PREX1: variants seen among roughly 807,000 people sequenced by gnomAD.
PREX1 encodes the protein phosphatidylinositol-3,4,5-trisphosphate dependent Rac exchange factor 1.
In PREX1, 41 loss-of-function variants were observed where a neutral mutation model predicts 198.3. The ratio of observed to expected loss-of-function variants is 0.21; its 90% CI spans 0.16 to 0.27. The LOEUF (loss-of-function observed/expected upper bound fraction) is 0.27, where lower values mean the gene tolerates loss of function less well. Among genes scored for constraint, PREX1 ranks in the 10% least tolerant of loss-of-function variants. PREX1 has a pLI of 1.00. For missense variants in PREX1, 1,620 were observed against 2,200.7 expected, an observed-to-expected ratio of 0.74 and a Z score of 5.28; for synonymous variants, 843 against 887.2, an observed-to-expected ratio of 0.95 and a Z score of 0.89.
the PREX1 span, among the ~76,000 whole-genome samples, chr20:48,863,656 T>G: frequency 6.6e-6 from 1 of 151,170 alleles, no homozygotes; most frequent in Non-Finnish European, 1.5e-5. Context: ...GGCATGATCT[T>G]GGCTCACTGC....
intron 10 of PREX1, among the ~76,000 whole-genome samples, chr20:48,687,625 C>T (rs1032432554): frequency 7.9e-5 from 12 of 152,296 alleles, no homozygotes; most frequent in Non-Finnish European, 7.4e-5. Context: ...ATAAAGTTCC[C>T]GCATTGCCGG....
intron 5 of PREX1, among the ~76,000 whole-genome samples, chr20:48,717,279 C>T (rs1329671649): frequency 6.6e-6 from 1 of 152,080 alleles, no homozygotes; most frequent in Non-Finnish European, 1.5e-5. Context: ...AGCAGAACAA[C>T]ACCAACTTTC....
Position 48,759,326 on chromosome 20 carries a change from G to A in PREX1, c.220-11446C>T, listed in dbSNP as rs138805332. Among the ~76,000 whole-genome samples, 55 of 152,154 alleles carry A rather than the reference G, an allele frequency of 3.6e-4. 2 individuals are homozygous for A. The highest frequency in any genetic ancestry group is 3.4e-3 in the Middle Eastern group (1 of 292). The stretch of plus-strand genomic sequence containing the variant: ...GCACTTTGGGAGGCTGAGATGGGTG[G>A]ATCACCTGAGGTCAGGAGTTCGCGA... On this transcript the variant is annotated intron_variant, in intron 1 of 39. Coordinates refer to ENST00000371941, the MANE Select transcript of PREX1 (RefSeq NM_020820.4).
chr20:48,730,862 G>A (rs78382345), intron 4 of PREX1, among the ~76,000 whole-genome samples: 10,789 of 152,084 alleles, frequency 0.071, 452 homozygotes, highest in Middle Eastern at 0.14. Context: ...GCTGGGCATG[G>A]TGGTGCACAC....
intron 1 of PREX1, among the ~76,000 whole-genome samples, chr20:48,773,525 A>T (rs1246764488): frequency 2.0e-5 from 3 of 152,180 alleles, no homozygotes; most frequent in Non-Finnish European, 4.4e-5. Context: ...GTACTTACTG[A>T]GAAGCAGATG....
chr20:48,666,300 T>C lies in PREX1; in HGVS notation c.1721A>G (p.Asn574Ser), dbSNP rs1218854501. 10 of 1,569,738 alleles carry C rather than the reference T, an allele frequency of 6.4e-6. No individual in the cohort carries two copies. Among genetic ancestry groups the C allele is most frequent in the South Asian group, 1.2e-5 (1 of 85,412 alleles). The part of the protein sequence containing the change: ...AVALGVGLCN[N>S]GFMHHVLEKS... ...GTGGTTACCGTGGTGCATGAAGCCA[T>C]TGTTGCACAGACCCACGCCGAGCGC... Residue 574 changes from asparagine to serine, a missense_variant, in exon 15 of 40, where the codon AAT (asparagine) becomes AGT (serine). Asn to Ser is a conservative substitution (Grantham distance 46). Transcript: ENST00000371941. The surrounding 1 kb of genome is among the most constrained non-coding windows in gnomAD (Gnocchi z 4.3).
chr20:48,694,492 C>T (rs2089835540), intron 7 of PREX1, among the ~76,000 whole-genome samples: 1 of 152,194 alleles, frequency 6.6e-6, no homozygotes, highest in African/African-American at 2.4e-5. Flanking sequence ...CAGAGACAGT[C>T]CCTAAGCAAG....
At chr20:48,811,622 ACCC>A (rs145554231) in intron 1 of PREX1, among the ~76,000 whole-genome samples, 195 of 120,464 alleles carry the variant, frequency 1.6e-3, no homozygotes, top group Middle Eastern at 4.5e-3. Flanking sequence ...CTGGATACAC[ACCC>A]CCCCACACAC....
the PREX1 span, among the ~76,000 whole-genome samples, chr20:48,846,940 G>T: frequency 4.6e-5 from 7 of 152,188 alleles, no homozygotes; most frequent in East Asian, 1.9e-4. Flanking sequence ...ACCTTTCAAG[G>T]GGAGGCAGGA....
intron 39 of PREX1, 96 bp downstream of exon 39, chr20:48,627,452 G>A (rs1232269146): frequency 1.5e-6 from 2 of 1,369,460 alleles, no homozygotes; most frequent in African/African-American, 1.4e-5. Context: ...AGCCCCATCT[G>A]AGCATTAGGG....
intron 14 of PREX1, among the ~76,000 whole-genome samples, chr20:48,673,530 C>T (rs1021857663): frequency 9.9e-5 from 15 of 152,194 alleles, no homozygotes; most frequent in East Asian, 1.9e-4. Flanking sequence ...GCCCCAGAAA[C>T]GTCCACAGCA....
chr20:48,819,691 G>A (rs1005190560), intron 1 of PREX1, among the ~76,000 whole-genome samples: 25 of 152,232 alleles, frequency 1.6e-4, no homozygotes, highest in Admixed American at 2.0e-4. Context: ...CTCAGTGGGT[G>A]TCCTTATTAT....
At chr20:48,661,429 AAAAAAAAAAAAAAAAAT>A (rs1295344065) in intron 15 of PREX1, among the ~76,000 whole-genome samples, 1 of 102,538 alleles carries the variant, frequency 9.8e-6, no homozygotes, top group African/African-American at 6.0e-5. Context: ...CAAAAAAAAA[AAAAAAAAAAAAAAAAAT>A]ATATATATAT....
chr20:48,821,441 G>A (rs571951190), intron 1 of PREX1, among the ~76,000 whole-genome samples: 2 of 152,210 alleles, frequency 1.3e-5, no homozygotes, highest in Non-Finnish European at 2.9e-5. Context: ...ACGCAGGGCA[G>A]GAATCAGCTC....
chr20:48,759,632 G>A (rs936733171), intron 1 of PREX1, among the ~76,000 whole-genome samples: 1 of 151,606 alleles, frequency 6.6e-6, no homozygotes, highest in Admixed American at 6.6e-5. Flanking sequence ...TCCCAGCTCT[G>A]CTGCTTACAA....
intron 1 of PREX1, among the ~76,000 whole-genome samples, chr20:48,748,778 G>A (rs1451963203): frequency 1.3e-5 from 2 of 152,234 alleles, no homozygotes; most frequent in Non-Finnish European, 2.9e-5. Context: ...GTGGGGTCAC[G>A]TGGGGAGGCC....
rs191017180 is a variant in PREX1 at position 48,729,473 on chromosome 20, C to T, written c.520-3082G>A. Among the ~76,000 whole-genome samples, 242 of 152,272 alleles carry T rather than the reference C, an allele frequency of 1.6e-3. 1 individual carries two copies. Among genetic ancestry groups the T allele is most frequent in the Admixed American group, 8.2e-3 (126 of 15,294 alleles). ...CCCGACTAGAGTCTCTGCTGCCCCC[C>T]CAATGCCCCACCTGGATGTACTGCA... On this transcript the variant is annotated intron_variant, in intron 4 of 39. Transcript: ENST00000371941.
At chr20:48,651,689 G>A (rs878930707) in intron 21 of PREX1, 106 bp from the exon 22 acceptor site, 2 of 1,091,566 alleles carry the variant, frequency 1.8e-6, no homozygotes, top group South Asian at 1.6e-5. Flanking sequence ...AACAGCAAGT[G>A]CAAAGGCCCC....
At chr20:48,846,555 G>C in the PREX1 span, among the ~76,000 whole-genome samples, 1 of 152,102 alleles carries the variant, frequency 6.6e-6, no homozygotes, top group Non-Finnish European at 1.5e-5. Context: ...CTCCACCTTG[G>C]TCTTGCCCTG....
Sources: allele counts gnomAD v4.1 joint callset (sites outside exome capture counted in the v4.1 genomes callset), GRCh38; gene constraint gnomAD v4.1.1; non-coding constraint Gnocchi (gnomAD v3.1); transcripts MANE v1.5; gene names NCBI Gene and HGNC (gene_info 2026-07-23, HGNC 2026-07-21).